TCF12: variants seen among roughly 807,000 people sequenced by gnomAD.
The protein encoded by TCF12 is DNA-binding protein HTF4.
A neutral mutation model predicts 86.0 loss-of-function variants in TCF12; 45 were observed. That is an observed-to-expected ratio of 0.52 (90% CI 0.41 to 0.67). The LOEUF is 0.67. TCF12 is among the 30% of genes least tolerant of loss of function. The pLI is 0.00. For synonymous variants in TCF12, 330 were observed against 299.6 expected (o/e 1.10, Z -1.05); for missense variants, 881 against 859.9 (o/e 1.02, Z -0.31).
intron 12 of TCF12, among the ~76,000 whole-genome samples, chr15:57,240,366 G>A (rs2059561393): frequency 6.6e-6 from 1 of 152,216 alleles, no homozygotes; most frequent in Non-Finnish European, 1.5e-5. Context: ...GAAAGAAGGA[G>A]TATGTAACAG....
At chr15:57,138,173 T>TA (rs2052692546) in intron 5 of TCF12, among the ~76,000 whole-genome samples, 1 of 152,220 alleles carries the variant, frequency 6.6e-6, no homozygotes, top group African/African-American at 2.4e-5. Context: ...ATTTTACTTT[T>TA]ACTTGTTAAT....
At chr15:57,014,269 G>A (rs1447545124) in intron 3 of TCF12, among the ~76,000 whole-genome samples, 1 of 152,082 alleles carries the variant, frequency 6.6e-6, no homozygotes, top group Admixed American at 6.6e-5. Context: ...TCAGCTTGTG[G>A]GACCATTTGC....
intron 11 of TCF12, among the ~76,000 whole-genome samples, chr15:57,233,612 G>T (rs2151931865): frequency 6.6e-6 from 1 of 152,020 alleles, no homozygotes; most frequent in East Asian, 1.9e-4. Flanking sequence ...CAAGTAGCTG[G>T]GACTACAGGC....
chr15:56,973,211 A>G lies in TCF12; in HGVS notation c.148+52113A>G, dbSNP rs188641155. ...CTGTCAGTCGATCAACAATCAAAAT[A>G]GTTATAGATGAGACAGGTGTGTACA... On this transcript the variant is annotated intron_variant, in intron 3 of 20. Transcript: ENST00000333725. Among the ~76,000 whole-genome samples, 66 of 152,262 alleles carry G rather than the reference A, an allele frequency of 4.3e-4. 1 individual carries two copies. The East Asian group carries it at 0.01, about 24-fold the overall frequency.
intron 3 of TCF12, among the ~76,000 whole-genome samples, chr15:57,037,575 A>G (rs1336349623): frequency 2.0e-5 from 3 of 152,160 alleles, no homozygotes. Flanking sequence ...GTCCTCTTGT[A>G]TTGTCTTGGG....
rs2593232 is a variant in TCF12, at chr15:57,237,146, A to T, written c.1035+3039A>T. Among the ~76,000 whole-genome samples, 1,381 of 150,352 alleles carry T rather than the reference A, an allele frequency of 9.2e-3. 21 individuals are homozygous for T. The highest frequency in any genetic ancestry group is 0.028 in the African/African-American group (1,155 of 40,984). Reference sequence around the variant, plus strand: ...CAGAGCAAGGGAAAAAGAGAGAGAGAGAGTGTGTGTGTGTGTGTGTGTGTG... The same window carrying T: ...CAGAGCAAGGGAAAAAGAGAGAGAGTGAGTGTGTGTGTGTGTGTGTGTGTG... On this transcript the variant is annotated intron_variant, in intron 12 of 20. Coordinates refer to ENST00000333725, the MANE Select transcript of TCF12 (RefSeq NM_207037.2).
chr15:57,075,804 T>TCTCTCTCTCTCTCTC (rs1567370603), intron 4 of TCF12, among the ~76,000 whole-genome samples: 31 of 28,598 alleles, frequency 1.1e-3, no homozygotes, highest in South Asian at 4.2e-3. Flanking sequence ...CTTTCTTTCT[T>TCTCTCTCTCTCTCTC]TCTCTCTCTC....
chr15:56,935,081 A>G (rs1054587022), intron 3 of TCF12, among the ~76,000 whole-genome samples: 6 of 152,194 alleles, frequency 3.9e-5, no homozygotes, highest in Admixed American at 3.9e-4. Context: ...AGGGTTCTTG[A>G]ATATAACTTC....
intron 6 of TCF12, among the ~76,000 whole-genome samples, chr15:57,170,763 A>C (rs1567559722): frequency 7.6e-5 from 1 of 13,192 alleles, no homozygotes; most frequent in Non-Finnish European, 1.3e-4. Context: ...TATATATTAT[A>C]TATATATTAT....
At chr15:56,961,410 A>G (rs1207605055) in intron 3 of TCF12, among the ~76,000 whole-genome samples, 2 of 152,234 alleles carry the variant, frequency 1.3e-5, no homozygotes, top group African/African-American at 4.8e-5. Context: ...TCAGGTATCC[A>G]ACCATATTAT....
Position 57,257,765 on chromosome 15 carries a change from G to A in TCF12, c.1467+4297G>A, listed in dbSNP as rs536735674. ...GACAAGTCAGTGATCAAGGTTACTA[G>A]CAGTGTAAGGTCTACACGGACACAG... On this transcript the variant is annotated intron_variant, in intron 16 of 20. Coordinates refer to ENST00000333725, the MANE Select transcript of TCF12 (RefSeq NM_207037.2). Among the ~76,000 whole-genome samples, 9 of 151,604 alleles carry A rather than the reference G, an allele frequency of 5.9e-5. No individual in the cohort carries two copies. The South Asian group carries it at 1.5e-3, about 25-fold the overall frequency.
rs138050329 is a variant in TCF12, at chr15:57,113,663, G to A, written c.325+21772G>A. ...CTGTTGAAAAGTAAATTTAGGCTGG[G>A]CTCAGTCGCTTAACACCTGTAATTC... is the stretch of plus-strand genomic sequence containing the variant. On this transcript the variant is annotated intron_variant, in intron 5 of 20. Transcript: ENST00000333725. 1.5e-3 allele frequency among the ~76,000 whole-genome samples: 227 copies of A among 151,710 alleles called. 1 individual carries two copies. Among genetic ancestry groups the A allele is most frequent in the East Asian group, 3.5e-3 (18 of 5,162 alleles).
At chr15:57,205,515 T>G (rs2151787615) in intron 8 of TCF12, among the ~76,000 whole-genome samples, 1 of 152,298 alleles carries the variant, frequency 6.6e-6, no homozygotes. Flanking sequence ...TGTATATACT[T>G]AAGAGTTTCG....
At chr15:57,278,972 C>A (rs561941328) in intron 19 of TCF12, among the ~76,000 whole-genome samples, 2 of 74,048 alleles carry the variant, frequency 2.7e-5, no homozygotes, top group African/African-American at 1.1e-4. Context: ...CCTTTCTTTT[C>A]TTGTCTTGTA....
chr15:57,136,958 G>GTTTTTTTTTTTTTTTTTTTTT lies in TCF12; in HGVS notation c.326-29433_326-29432insTTTTTTTTTTTTTTTTTTTTT, dbSNP rs869113042. Among the ~76,000 whole-genome samples, 16 of 83,044 alleles carry GTTTTTTTTTTTTTTTTTTTTT rather than the reference G, an allele frequency of 1.9e-4. 8 individuals carry two copies. The highest frequency in any genetic ancestry group is 2.9e-4 in the African/African-American group (6 of 20,800). The allele number at this position is 83,044 out of a possible 152,430, so 54.5% of individuals were successfully genotyped here. On this transcript the variant is annotated intron_variant, in intron 5 of 20. Transcript: ENST00000333725. The stretch of plus-strand genomic sequence containing the variant: ...TAGACAATAGCCACTGCTTCTGGCA[G>GTTTTTTTTTTTTTTTTTTTTT]TTTTTTTTTTTGTTTTTTTTTTTTT...
chr15:57,059,052 C>A (rs1402050533), intron 3 of TCF12, among the ~76,000 whole-genome samples: 2 of 152,192 alleles, frequency 1.3e-5, no homozygotes, highest in Non-Finnish European at 2.9e-5. Context: ...AGAATTCTTT[C>A]ATCAAATCAT....
intron 8 of TCF12, among the ~76,000 whole-genome samples, chr15:57,212,133 CT>C (rs2058137559): frequency 6.6e-6 from 1 of 152,154 alleles, no homozygotes; most frequent in Non-Finnish European, 1.5e-5. Flanking sequence ...GGATTCTATA[CT>C]TTACCAAAAT....
intron 8 of TCF12, among the ~76,000 whole-genome samples, chr15:57,216,972 T>C (rs867494756): frequency 1.0e-3 from 158 of 152,286 alleles, no homozygotes; most frequent in African/African-American, 3.8e-3. Flanking sequence ...TATCATATAA[T>C]TATAGATACA....
chr15:57,130,525 A>T (rs148432253), intron 5 of TCF12, among the ~76,000 whole-genome samples: 16 of 152,326 alleles, frequency 1.1e-4, no homozygotes, highest in East Asian at 5.8e-4. Context: ...AGAGTGCATT[A>T]TCAGGGGACC....
Sources: gnomAD v4.1 joint callset for allele counts (sites outside exome capture counted in the v4.1 genomes callset) on GRCh38, gnomAD v4.1.1 for gene constraint, MANE v1.5 for transcripts, NCBI Gene and HGNC (gene_info 2026-07-23, HGNC 2026-07-21) for gene names.